The following KIF17 variants were observed in gnomAD, a reference collection of about 807,000 sequenced individuals.
The protein encoded by KIF17 is kinesin family member 17, also known as kinesin-like protein KIF17.
KIF17 carries 80 observed loss-of-function variants against 96.8 expected under a neutral mutation model. The ratio of observed to expected loss-of-function variants is 0.83; its 90% CI spans 0.69 to 1.00. The LOEUF (loss-of-function observed/expected upper bound fraction) is 1.00, where lower values mean the gene tolerates loss of function less well. Among genes scored for constraint, KIF17 ranks in the 50% least tolerant of loss-of-function variants. KIF17 has a pLI of 0.00. For missense variants in KIF17, 1,280 were observed against 1,372.9 expected (o/e 0.93, Z 1.07); for synonymous variants, 567 against 587.5 (o/e 0.97, Z 0.51).
chr1:20,683,220 G>T (rs528890553), intron 10 of KIF17, among the ~76,000 whole-genome samples: 1 of 152,346 alleles, frequency 6.6e-6, no homozygotes, highest in African/African-American at 2.4e-5. Context: ...CCACTGGCAT[G>T]ATGAGAAGAA....
intron 1 of KIF17, among the ~76,000 whole-genome samples, chr1:20,716,469 C>T (rs1301788870): frequency 6.6e-6 from 1 of 152,184 alleles, no homozygotes; most frequent in African/African-American, 2.4e-5. Flanking sequence ...GGCAGCCAGC[C>T]GGCAGGGACA....
At chr1:20,675,275 G>A (rs1351539187) in intron 11 of KIF17, among the ~76,000 whole-genome samples, 4 of 149,208 alleles carry the variant, frequency 2.7e-5, no homozygotes. Context: ...ATGAAACCCC[G>A]TCTCTACTAA....
Position 20,664,115 on chromosome 1 carries a change from C to A in KIF17, c.*469G>T, listed in dbSNP as rs777534920. 4.2e-6 allele frequency: 1 copy of A among 238,986 alleles called. No homozygotes were observed. Among genetic ancestry groups the A allele is most frequent in the Non-Finnish European group, 8.3e-6 (1 of 119,786 alleles). The allele number at this position is 238,986 out of a possible 1,614,324, so 14.8% of individuals were successfully genotyped here. ...AGTGCAGGAAGACCTGCTGTGGGACCCCTGTGCCACCCCATGGGGCAGGGC... is the reference window on the plus strand; with the variant it reads ...AGTGCAGGAAGACCTGCTGTGGGACACCTGTGCCACCCCATGGGGCAGGGC... On this transcript the variant is annotated 3_prime_UTR_variant, in exon 15 of 15. Transcript: ENST00000400463.
intron 11 of KIF17, among the ~76,000 whole-genome samples, chr1:20,681,162 G>A (rs1373750033): frequency 7.3e-6 from 1 of 136,436 alleles, no homozygotes; most frequent in Non-Finnish European, 1.6e-5. Context: ...AAAAACTAAA[G>A]AGGTTAAAGA....
rs748758210 is a variant in KIF17, at chr1:20,666,321, C to T, written c.2801G>A (p.Arg934His). 8 of 1,613,176 alleles carry T rather than the reference C, an allele frequency of 5.0e-6. No individual in the cohort carries two copies. The African/African-American group carries it at 5.3e-5, about 11-fold the overall frequency. The change falls in exon 14 of 15, where the codon CGC becomes CAC. Residue 934 changes from arginine to histidine, a missense_variant. Coordinates refer to ENST00000400463, the MANE Select transcript of KIF17 (RefSeq NM_001122819.3). ...DNGEPNMEDD[R>H]YRLMLSRSNS... ...GCTCCGACTGAGCATGAGCCTGTAGCGGTCGTCCTCCTGCCGAGATGCAGA... is the reference window on the plus strand; with the variant it reads ...GCTCCGACTGAGCATGAGCCTGTAGTGGTCGTCCTCCTGCCGAGATGCAGA...
intron 1 of KIF17, 150 bp from the exon 2 acceptor site, chr1:20,715,789 G>T: frequency 2.1e-6 from 2 of 936,668 alleles, no homozygotes; most frequent in Non-Finnish European, 1.7e-6. Flanking sequence ...GCGCAGCTCT[G>T]TCCTCAAGGA....
Position 20,706,356 on chromosome 1 carries a change from C to A in KIF17, c.671-1457G>T, listed in dbSNP as rs1402013921. On this transcript the variant is annotated intron_variant, in intron 4 of 14. Transcript: ENST00000400463. ...CTGTAATCCCAGCACTTTGGGAGGC[C>A]AAGGCAGGCGGATCACCTGAGGTCA... Among the ~76,000 whole-genome samples, 3 of 149,886 alleles carry A rather than the reference C, an allele frequency of 2.0e-5. No individual in the cohort carries two copies. In the East Asian group the frequency reaches 6.0e-4, roughly 30 times the overall value.
At chr1:20,664,842 G>A in intron 14 of KIF17, 80 bp from the exon 15 acceptor site, 1 of 1,326,532 alleles carries the variant, frequency 7.5e-7, no homozygotes, top group Non-Finnish European at 1.1e-6. Context: ...GTAGGATGGA[G>A]AGCCTGGCCC....
chr1:20,717,864 CGCCCCG>C lies in KIF17; in HGVS notation c.-164_-159del. 2.4e-6 allele frequency: 1 copy of C among 420,178 alleles called. No homozygotes were observed. The highest frequency in any genetic ancestry group is 2.9e-6 in the Non-Finnish European group (1 of 350,512). The allele number at this position is 420,178 out of a possible 1,614,324, so 26.0% of individuals were successfully genotyped here. A position where few individuals can be genotyped will look rare whatever the true frequency, so the allele number is the denominator to read the frequency against. The stretch of plus-strand genomic sequence containing the variant: ...CGGGGGGCGGGGACCCCTCGGGGGG[CGCCCCG>C]GAGGGGAGCTGGGCGTCGCAGGACC... On this transcript the variant is annotated 5_prime_UTR_variant, in exon 1 of 15. Transcript: ENST00000400463.
Position 20,665,165 on chromosome 1 carries a change from GC to G in KIF17, c.2909-404del, listed in dbSNP as rs1303870842. 1.4e-4 allele frequency among the ~76,000 whole-genome samples: 9 copies of G among 63,802 alleles called. 2 individuals are homozygous for G. In the East Asian group the frequency reaches 1.5e-3, roughly 10 times the overall value. 41.9% of individuals were successfully genotyped at this position (63,802 alleles called of 152,430 possible). A position where few individuals can be genotyped will look rare whatever the true frequency, so the allele number is the denominator to read the frequency against. ...GCACTCAATTAATCCTATTCCCCCC[GC>G]CCCACCCATTCTGTCTCTTAAATAA... On this transcript the variant is annotated intron_variant, in intron 14 of 14. Transcript: ENST00000400463.
At chr1:20,711,935 T>C (rs60900314) in intron 3 of KIF17, among the ~76,000 whole-genome samples, 11,736 of 152,160 alleles carry the variant, frequency 0.077, 753 homozygotes, top group East Asian at 0.31. Flanking sequence ...CCTCCTGGAC[T>C]GCCAGGAGGT....
chr1:20,668,531 T>C (rs1222992068), intron 13 of KIF17, among the ~76,000 whole-genome samples: 1 of 152,210 alleles, frequency 6.6e-6, no homozygotes, highest in Non-Finnish European at 1.5e-5. Flanking sequence ...AACTTTCCCT[T>C]TTTTATGAAG....
At chr1:20,667,388 A>G (rs1226902790) in intron 13 of KIF17, among the ~76,000 whole-genome samples, 1 of 151,534 alleles carries the variant, frequency 6.6e-6, no homozygotes, top group Non-Finnish European at 1.5e-5. Context: ...TTGCAGGAAA[A>G]CATGCTCACG....
rs200458308 is a variant in KIF17, at chr1:20,666,254, C to G, written c.2868G>C (p.Arg956=). ...NIASNYFRSK[R]ASQILSTDAR... ...CGTCTGTGCTGAGGATCTGGCTGGC[C>G]CGCTTAGATCGGAAGTAGTTGCTGG... Residue 956 remains arginine (R), a synonymous_variant, in exon 14 of 15, where the codon CGG becomes CGC. Coordinates refer to ENST00000400463, the MANE Select transcript of KIF17 (RefSeq NM_001122819.3). 1 of 1,614,208 alleles carries G rather than the reference C, an allele frequency of 6.2e-7. No homozygotes were observed. The highest frequency in any genetic ancestry group is 1.3e-5 in the African/African-American group (1 of 75,060).
intron 5 of KIF17, among the ~76,000 whole-genome samples, chr1:20,701,583 A>T (rs1022961003): frequency 4.6e-5 from 7 of 152,222 alleles, no homozygotes; most frequent in Non-Finnish European, 2.9e-5. Context: ...AGCCTGGGAC[A>T]GCCCAGGGTT....
At chr1:20,701,614 C>T (rs1570469335) in intron 5 of KIF17, among the ~76,000 whole-genome samples, 2 of 151,966 alleles carry the variant, frequency 1.3e-5, no homozygotes, top group Admixed American at 6.6e-5. Context: ...GGAGCAGGGA[C>T]GACTCGCCCT....
At chr1:20,666,192 G>A (rs1436337581) in intron 14 of KIF17, 22 bp downstream of exon 14, 21 of 1,545,640 alleles carry the variant, frequency 1.4e-5, no homozygotes, top group Non-Finnish European at 1.8e-5. Flanking sequence ...GGAGAGGGTG[G>A]GGACAGGGGA....
Position 20,685,907 on chromosome 1 carries a change from G to A in KIF17, c.2019+139C>T. The A allele has an allele frequency of 6.6e-6, 5 of 752,992 alleles. No homozygotes were observed. Among genetic ancestry groups the A allele is most frequent in the Non-Finnish European group, 9.2e-6 (4 of 433,904 alleles). The allele number at this position is 752,992 out of a possible 1,614,324, so 46.6% of individuals were successfully genotyped here. On this transcript the variant is annotated intron_variant, in intron 9 of 14. Transcript: ENST00000400463. The surrounding 1 kb of genome is among the most constrained non-coding windows in gnomAD (Gnocchi z 4.1). ...CACACTGCCTGGCCACGGGCCACAA[G>A]CCCGGGGAAGGCTGGAGTTGTTGTT...
In KIF17 at chr1:20,667,258, T is replaced by C. The variant is rs6664466; in HGVS notation, c.2791-927A>G. Among the ~76,000 whole-genome samples the C allele has an allele frequency of 6.3e-3, 966 of 152,250 alleles. 12 individuals carry two copies. Among genetic ancestry groups the C allele is most frequent in the African/African-American group, 0.022 (928 of 41,540 alleles). On this transcript the variant is annotated intron_variant, in intron 13 of 14. Transcript: ENST00000400463. The stretch of plus-strand genomic sequence containing the variant: ...GATCAGTGGTGGCATTAGATTCTCA[T>C]AGGAGGGCAAACCCTATTGTGAACT...
Sources: gnomAD v4.1 joint callset for allele counts (sites outside exome capture counted in the v4.1 genomes callset) on GRCh38, gnomAD v4.1.1 for gene constraint, Gnocchi (gnomAD v3.1) non-coding constraint, MANE v1.5 for transcripts, NCBI Gene and HGNC (gene_info 2026-07-23, HGNC 2026-07-21) for gene names.